The following P3H4 variants were observed in gnomAD, a reference collection of about 807,000 sequenced individuals.
The protein encoded by P3H4 is prolyl 3-hydroxylase family member 4 (inactive), also known as endoplasmic reticulum protein SC65.
P3H4 carries 47 observed loss-of-function variants against 52.9 expected under a neutral mutation model. The observed-to-expected ratio is 0.89, with a 90% CI of 0.70 to 1.13. P3H4 has a LOEUF of 1.13. P3H4 is among the 50% of genes most tolerant of loss of function. The pLI, the probability that P3H4 is intolerant of heterozygous loss-of-function variation, is 0.00. For missense variants in P3H4, 585 were observed against 611.0 expected (o/e 0.96, Z 0.45); for synonymous variants, 256 against 267.9 (o/e 0.96, Z 0.44).
chr17:41,806,729 G>A, intron 6 of P3H4, 67 bp downstream of exon 6: 2 of 1,350,594 alleles, frequency 1.5e-6, no homozygotes, highest in Non-Finnish European at 2.1e-6. Context: ...TGGCACACTG[G>A]TGGCCCCAGG....
At position 41,811,778 on chromosome 17, in the gene P3H4, C is replaced by T; in HGVS notation, c.138G>A (p.Gln46=). Residue 46 remains glutamine, a synonymous_variant, in exon 1 of 8, where the codon CAG becomes CAA. Coordinates refer to ENST00000393928, the MANE Select transcript of P3H4 (RefSeq NM_006455.3). The surrounding 1 kb of genome is among the most constrained non-coding windows in gnomAD (Gnocchi z 4.8). ...LAAAYGHALE[Q]YEGESWRESA... is the part of the protein sequence containing the mutation. ...TCTCGCGCCAGCTCTCTCCCTCGTA[C>T]TGCTCCAGAGCGTGCCCGTACGCCG... The T allele has an allele frequency of 6.5e-7, 1 of 1,533,288 alleles. No individual in the cohort carries two copies. Among genetic ancestry groups the T allele is most frequent in the Non-Finnish European group, 8.7e-7 (1 of 1,151,966 alleles). 95.0% of individuals were successfully genotyped at this position (1,533,288 alleles called of 1,614,324 possible). A position where few individuals can be genotyped will look rare whatever the true frequency, so the allele number is the denominator to read the frequency against.
chr17:41,803,005 G>C, intron 7 of P3H4, 26 bp from the exon 8 acceptor site: 1 of 1,608,240 alleles, frequency 6.2e-7, no homozygotes, highest in Non-Finnish European at 8.5e-7. Flanking sequence ...GAAAGCACTG[G>C]GGTTGCTCCC....
chr17:41,811,095 C>T lies in P3H4; in HGVS notation c.615+37G>A. ...CCAACATCTCCCCTCCTCTACTAGC[C>T]CTCCTCTACAAGCCTCCTCCTGACC... On this transcript the variant is annotated intron_variant, in intron 2 of 7. Transcript: ENST00000393928. The surrounding 1 kb of genome is among the most constrained non-coding windows in gnomAD (Gnocchi z 4.8). 1 of 1,612,594 alleles carries T rather than the reference C, an allele frequency of 6.2e-7. No individual in the cohort carries two copies. The highest frequency in any genetic ancestry group is 8.5e-7 in the Non-Finnish European group (1 of 1,178,832).
Position 41,811,806 on chromosome 17 carries a change from G to A in P3H4, c.110C>T (p.Ala37Val). Residue 37 changes from alanine (A) to valine (V), a missense_variant, in exon 1 of 8, where the codon GCC (alanine) becomes GTC (valine). Physicochemically the swap from Ala to Val is moderately conservative, Grantham distance 64. Coordinates refer to ENST00000393928, the MANE Select transcript of P3H4 (RefSeq NM_006455.3). The surrounding 1 kb of genome is among the most constrained non-coding windows in gnomAD (Gnocchi z 4.8). The stretch of plus-strand genomic sequence containing the variant: ...CTCCAGAGCGTGCCCGTACGCCGCG[G>A]CCAGCGGCATCAGGTCCTCGGGCGG... ...GFPPEDLMPL[A>V]AAYGHALEQY... 6.5e-7 allele frequency: 1 copy of A among 1,536,042 alleles called. No individual in the cohort carries two copies. Among genetic ancestry groups the A allele is most frequent in the Non-Finnish European group, 8.7e-7 (1 of 1,152,930 alleles).
At chr17:41,805,306 A>AAACAAACAACCAAAC (rs1555614054) in intron 6 of P3H4, among the ~76,000 whole-genome samples, 1 of 124,266 alleles carries the variant, frequency 8.0e-6, no homozygotes, top group African/African-American at 3.0e-5. Context: ...AACAAACAAA[A>AAACAAACAACCAAAC]AAACATACTT....
rs1036183265 is a variant in P3H4, at chr17:41,810,235, G to A, written c.788-401C>T. On this transcript the variant is annotated intron_variant, in intron 3 of 7. Transcript: ENST00000393928. ...GTCGACCAGGCTGGAGTGCAGTGGC[G>A]CGATCTGGGCTCAATGCAACCTCCG... Among the ~76,000 whole-genome samples the A allele has an allele frequency of 1.6e-4, 24 of 148,914 alleles. 1 individual carries two copies. The highest frequency in any genetic ancestry group is 4.1e-4 in the Admixed American group (6 of 14,746).
intron 6 of P3H4, among the ~76,000 whole-genome samples, chr17:41,803,978 A>T (rs1597893372): frequency 2.2e-5 from 3 of 135,290 alleles, no homozygotes; most frequent in African/African-American, 8.5e-5. Flanking sequence ...TTTGAGACGG[A>T]GTCTGCTCTG....
intron 7 of P3H4, 94 bp downstream of exon 7, chr17:41,803,193 C>T (rs951751039): frequency 4.6e-6 from 7 of 1,528,088 alleles, no homozygotes; most frequent in Non-Finnish European, 6.2e-6. Flanking sequence ...CACCCACACA[C>T]ACCCTGGGCT....
At chr17:41,807,216 G>A (rs192069434) in intron 5 of P3H4, 2 of 360,732 alleles carry the variant, frequency 5.5e-6, no homozygotes, top group East Asian at 6.1e-5. Context: ...TGGGAAAGAG[G>A]GACAAAGGTC....
At position 41,811,441 on chromosome 17, in the gene P3H4, G is replaced by T. The variant is rs781858034; in HGVS notation, c.462+13C>A. ...AGCCCGAGACAGGTCCCCGGGTGGGGGCGGGCTCCCACCTTGAACAGCGCG... is the reference window on the plus strand; with the variant it reads ...AGCCCGAGACAGGTCCCCGGGTGGGTGCGGGCTCCCACCTTGAACAGCGCG... On this transcript the variant is annotated intron_variant, in intron 1 of 7. Transcript: ENST00000393928. The surrounding 1 kb of genome is among the most constrained non-coding windows in gnomAD (Gnocchi z 4.8). 2.5e-6 allele frequency: 4 copies of T among 1,611,228 alleles called. No homozygotes were observed. The highest frequency in any genetic ancestry group is 8.5e-7 in the Non-Finnish European group (1 of 1,178,878).
At position 41,803,402 on chromosome 17, in the gene P3H4, CA is replaced by C. The variant is rs1567846981; in HGVS notation, c.1175del (p.Leu392ArgfsTer91). On this transcript the variant is annotated frameshift_variant, in exon 7 of 8. Coordinates refer to ENST00000393928, the MANE Select transcript of P3H4 (RefSeq NM_006455.3). LOFTEE classifies it high-confidence loss of function. The part of the protein sequence containing the change: ...EMELEETEPP[L>X]EPEDALSDAE... Reference sequence around the variant, plus strand: ...CGTCAGATAGGGCATCCTCAGGCTCCAGGGGCGGTTCTGTCTCCTCCAGCTC... The same window carrying C: ...CGTCAGATAGGGCATCCTCAGGCTCCGGGGCGGTTCTGTCTCCTCCAGCTC... The C allele has an allele frequency of 6.2e-7, 1 of 1,613,972 alleles. No homozygotes were observed. The highest frequency in any genetic ancestry group is 1.7e-5 in the Admixed American group (1 of 60,002).
intron 7 of P3H4, 145 bp from the exon 8 acceptor site, chr17:41,803,124 AC>A: frequency 7.1e-7 from 1 of 1,407,278 alleles, no homozygotes. Context: ...CTGCACCACC[AC>A]CCCCAAGCGG....
intron 3 of P3H4, 88 bp from the exon 4 acceptor site, chr17:41,809,922 CCTA>C (rs1489889946): frequency 1.4e-6 from 2 of 1,462,598 alleles, no homozygotes; most frequent in Non-Finnish European, 1.9e-6. Context: ...CCAATCTCTG[CCTA>C]CTAAGCCAAG....
rs2047725821 is a variant in P3H4 at position 41,810,987 on chromosome 17, G to A, written c.663C>T (p.Arg221=). The stretch of plus-strand genomic sequence containing the variant: ...CCCGCTCCATGTCCTCCGTGCTGCT[G>A]CGGAAATCCCCGCTGTTGTAGAGCT... ...AVKLYNSGDF[R]SSTEDMERAL... The change falls in exon 3 of 8, where the codon CGC becomes CGT. Residue 221 remains arginine (R), a synonymous_variant. Transcript: ENST00000393928. 6.2e-7 allele frequency: 1 copy of A among 1,614,068 alleles called. No homozygotes were observed. Among genetic ancestry groups the A allele is most frequent in the South Asian group, 1.1e-5 (1 of 91,086 alleles).
chr17:41,806,293 A>G (rs2047673936), intron 6 of P3H4, among the ~76,000 whole-genome samples: 1 of 152,252 alleles, frequency 6.6e-6, no homozygotes, highest in Non-Finnish European at 1.5e-5. Flanking sequence ...GAGGTCCTGC[A>G]TTCATTCATT....
At chr17:41,803,581 C>T in intron 6 of P3H4, 150 bp from the exon 7 acceptor site, 1 of 719,168 alleles carries the variant, frequency 1.4e-6, no homozygotes, top group Non-Finnish European at 2.2e-6. Flanking sequence ...ATGAGACAGT[C>T]CTGAGGATTT....
rs527722034 is a variant in P3H4, at chr17:41,806,803, T to C, written c.1139A>G (p.Asp380Gly). Residue 380 changes from aspartate to glycine, a missense_variant, in exon 6 of 8, where the codon GAT (aspartate) becomes GGT (glycine). By Grantham distance (94) the Asp-to-Gly change is moderately conservative (BLOSUM62 -1). Transcript: ENST00000393928. ...AAAGCAGGAGGCACTCACCTCATCA[T>C]CTGACTGCAGGTACATGTGGGTGAA... ...LEFTHMYLQS[D>G]DEMELEETEP... The C allele has an allele frequency of 6.2e-7, 1 of 1,613,404 alleles. No homozygotes were observed. The highest frequency in any genetic ancestry group is 1.3e-5 in the African/African-American group (1 of 75,026).
chr17:41,809,337 AT>A (rs2047704750), intron 4 of P3H4, among the ~76,000 whole-genome samples: 2 of 152,168 alleles, frequency 1.3e-5, no homozygotes. Context: ...AATCACTTGA[AT>A]CCGGGAGGCA....
chr17:41,804,143 G>A (rs1282529005), intron 6 of P3H4, among the ~76,000 whole-genome samples: 6 of 151,750 alleles, frequency 4.0e-5, no homozygotes, highest in Non-Finnish European at 7.4e-5. Flanking sequence ...AGTAGAGACC[G>A]GGTTTCACCG....
Sources: allele counts gnomAD v4.1 joint callset (sites outside exome capture counted in the v4.1 genomes callset), GRCh38; gene constraint gnomAD v4.1.1; non-coding constraint Gnocchi (gnomAD v3.1); transcripts MANE v1.5; gene names NCBI Gene and HGNC (gene_info 2026-07-23, HGNC 2026-07-21).